TMEM131L: variants seen among roughly 807,000 people sequenced by gnomAD.
TMEM131L encodes the protein transmembrane 131 like, also known as transmembrane protein 131-like.
In TMEM131L, 54 loss-of-function variants were observed where a neutral mutation model predicts 192.2. That is an observed-to-expected ratio of 0.28 (90% CI 0.23 to 0.35). The LOEUF (loss-of-function observed/expected upper bound fraction) is 0.35. Among genes scored for constraint, TMEM131L ranks in the 10% least tolerant of loss-of-function variants. The probability of loss-of-function intolerance (pLI) is 1.00; values close to 1 mark genes in which losing one functional copy is unlikely to be tolerated. For missense variants in TMEM131L, 1,888 were observed against 1,972.9 expected (o/e 0.96, Z 0.82); for synonymous variants, 701 against 704.9 (o/e 0.99, Z 0.09).
intron 25 of TMEM131L, among the ~76,000 whole-genome samples, chr4:153,609,686 A>C (rs953623678): frequency 6.6e-6 from 1 of 152,198 alleles, no homozygotes; most frequent in East Asian, 1.9e-4. Context: ...TGTACTGGCT[A>C]TTAAATTTGG....
intron 7 of TMEM131L, among the ~76,000 whole-genome samples, chr4:153,563,094 A>AGG (rs1410130163): frequency 6.6e-6 from 1 of 152,206 alleles, no homozygotes; most frequent in Non-Finnish European, 1.5e-5. Context: ...GCATAGGCAG[A>AGG]GGGTAGAAAG....
rs778279383 is a variant in TMEM131L at position 153,602,090 on chromosome 4, A to C, written c.2267-62A>C. 130 of 1,012,434 alleles carry C rather than the reference A, an allele frequency of 1.3e-4. 1 individual carries two copies. Among genetic ancestry groups the C allele is most frequent in the Middle Eastern group, 9.7e-4 (3 of 3,096 alleles). The allele number at this position is 1,012,434 out of a possible 1,614,324, so 62.7% of individuals were successfully genotyped here. ...TTATTCAATAAATATCGATCCAATA[A>C]ATTATTTTAAATAAATTTTATAGTT... is the stretch of plus-strand genomic sequence containing the variant. On this transcript the variant is annotated intron_variant, in intron 21 of 34. Coordinates refer to ENST00000409959, the MANE Select transcript of TMEM131L (RefSeq NM_001131007.2).
In TMEM131L at chr4:153,553,617, C is replaced by T. The variant is rs549879625; in HGVS notation, c.309-2170C>T. ...TCCTGATTTCTTCGCTGTCCCAGTT[C>T]AGCTTTTGCTATGGTTTATTTTGAT... On this transcript the variant is annotated intron_variant, in intron 4 of 34. Transcript: ENST00000409959. 3.9e-4 allele frequency among the ~76,000 whole-genome samples: 59 copies of T among 152,270 alleles called. No individual in the cohort carries two copies. In the South Asian group the frequency reaches 0.012, roughly 31 times the overall value.
intron 30 of TMEM131L, among the ~76,000 whole-genome samples, chr4:153,627,249 T>C (rs1028790149): frequency 7.9e-5 from 12 of 152,108 alleles, no homozygotes; most frequent in African/African-American, 2.9e-4. Flanking sequence ...CTTCTGTACT[T>C]TTCTGTCATC....
At chr4:153,580,376 G>A (rs1730252253) in intron 7 of TMEM131L, among the ~76,000 whole-genome samples, 1 of 151,814 alleles carries the variant, frequency 6.6e-6, no homozygotes, top group Non-Finnish European at 1.5e-5. Context: ...GGTCTAACTT[G>A]AGGGTCATGG....
chr4:153,480,078 G>A (rs1048567525), intron 3 of TMEM131L, among the ~76,000 whole-genome samples: 1 of 152,216 alleles, frequency 6.6e-6, no homozygotes, highest in African/African-American at 2.4e-5. Flanking sequence ...GGTGGCTCAC[G>A]CGTGTAATCC....
At chr4:153,621,882 T>G (rs1384152474) in intron 28 of TMEM131L, 33 bp downstream of exon 28, 3 of 1,604,450 alleles carry the variant, frequency 1.9e-6, no homozygotes, top group Non-Finnish European at 2.6e-6. Flanking sequence ...AAATGGTGCT[T>G]CTGTGGGAAT....
chr4:153,501,072 C>A (rs1239129796), intron 3 of TMEM131L, among the ~76,000 whole-genome samples: 1 of 152,016 alleles, frequency 6.6e-6, no homozygotes, highest in Non-Finnish European at 1.5e-5. Flanking sequence ...CGCCAAGTAC[C>A]CTGCACAGTG....
chr4:153,563,377 G>A (rs1339995543), intron 7 of TMEM131L, among the ~76,000 whole-genome samples: 1 of 150,922 alleles, frequency 6.6e-6, no homozygotes, highest in East Asian at 1.9e-4. Context: ...ATCTCAGAAG[G>A]TAACTGATCT....
intron 3 of TMEM131L, among the ~76,000 whole-genome samples, chr4:153,523,488 A>C (rs189953661): frequency 5.3e-5 from 8 of 152,342 alleles, no homozygotes; most frequent in Non-Finnish European, 1.2e-4. Flanking sequence ...GTTTAGGAGG[A>C]AACTAAATCT....
intron 25 of TMEM131L, among the ~76,000 whole-genome samples, chr4:153,611,342 G>A (rs1210687604): frequency 6.6e-6 from 1 of 152,200 alleles, no homozygotes; most frequent in Non-Finnish European, 1.5e-5. Flanking sequence ...GAAAACTAAG[G>A]CACAGGCAGC....
intron 32 of TMEM131L, 64 bp downstream of exon 32, chr4:153,632,902 T>C (rs1734312548): frequency 1.3e-6 from 2 of 1,586,316 alleles, no homozygotes; most frequent in African/African-American, 2.7e-5. Flanking sequence ...GGAATTTGAG[T>C]TCAGTTTCTT....
At chr4:153,469,126 T>C (rs887210618) in intron 2 of TMEM131L, among the ~76,000 whole-genome samples, 2 of 152,250 alleles carry the variant, frequency 1.3e-5, no homozygotes, top group African/African-American at 4.8e-5. Context: ...TGATAATAGA[T>C]GTCAGAATTC....
intron 3 of TMEM131L, among the ~76,000 whole-genome samples, chr4:153,483,199 T>A (rs1158582182): frequency 6.6e-6 from 1 of 152,254 alleles, no homozygotes; most frequent in Admixed American, 6.5e-5. Context: ...TCGTTGTTCC[T>A]TACTTTTTAG....
At chr4:153,498,286 C>T (rs1441911502) in intron 3 of TMEM131L, among the ~76,000 whole-genome samples, 1 of 152,172 alleles carries the variant, frequency 6.6e-6, no homozygotes, top group Non-Finnish European at 1.5e-5. Flanking sequence ...GAGGAGCCCT[C>T]CTCTGCTGGG....
rs1027053450 is a variant in TMEM131L, at chr4:153,584,767, A to G, written c.1061-68A>G. On this transcript the variant is annotated intron_variant, in intron 11 of 34. Coordinates refer to ENST00000409959, the MANE Select transcript of TMEM131L (RefSeq NM_001131007.2). ...ATAAAAATTTATAAATAAGACATAT[A>G]TCTTTTGTTCAGGCTTAATGAAAGA... 86 of 1,043,302 alleles carry G rather than the reference A, an allele frequency of 8.2e-5. No homozygotes were observed. In the African/African-American group the frequency reaches 1.1e-3, roughly 13 times the overall value. The allele number at this position is 1,043,302 out of a possible 1,614,324, so 64.6% of individuals were successfully genotyped here. A position where few individuals can be genotyped will look rare whatever the true frequency, so the allele number is the denominator to read the frequency against.
chr4:153,566,413 G>A (rs1034394060), intron 7 of TMEM131L, among the ~76,000 whole-genome samples: 1 of 152,134 alleles, frequency 6.6e-6, no homozygotes, highest in Non-Finnish European at 1.5e-5. Context: ...GGGATTACAG[G>A]CATGAGCCAC....
intron 3 of TMEM131L, among the ~76,000 whole-genome samples, chr4:153,496,325 G>A (rs1449659620): frequency 2.6e-5 from 4 of 152,030 alleles, no homozygotes; most frequent in African/African-American, 7.2e-5. Context: ...AATTAAATAC[G>A]GGGCTGCTCC....
intron 3 of TMEM131L, among the ~76,000 whole-genome samples, chr4:153,542,591 G>A (rs1206954758): frequency 6.6e-6 from 1 of 152,160 alleles, no homozygotes; most frequent in Non-Finnish European, 1.5e-5. Flanking sequence ...AGGGTTCTTA[G>A]GATTATATAT....
Sources: allele counts gnomAD v4.1 joint callset (sites outside exome capture counted in the v4.1 genomes callset), GRCh38; gene constraint gnomAD v4.1.1; transcripts MANE v1.5; gene names NCBI Gene and HGNC (gene_info 2026-07-23, HGNC 2026-07-21).